Variants in FGFRL1 observed in about 807,000 individuals in gnomAD.
The protein encoded by FGFRL1 is fibroblast growth factor receptor-like 1.
A neutral mutation model predicts 36.8 loss-of-function variants in FGFRL1; 24 were observed. The ratio of observed to expected loss-of-function variants is 0.65; its 90% confidence interval spans 0.47 to 0.92. The LOEUF is 0.92. FGFRL1 is among the 40% of genes least tolerant of loss of function. FGFRL1 has a pLI of 0.00. For missense variants in FGFRL1, 785 were observed against 753.4 expected, an observed-to-expected ratio of 1.04 and a Z score of -0.49; for synonymous variants, 422 against 344.1, an observed-to-expected ratio of 1.23 and a Z score of -2.50.
intron 2 of FGFRL1, among the ~76,000 whole-genome samples, chr4:1,019,044 C>G (rs1280069220): frequency 1.3e-5 from 2 of 152,246 alleles, no homozygotes; most frequent in African/African-American, 4.8e-5. Flanking sequence ...TCATTTGTCT[C>G]TGCCCCCTTT....
At chr4:1,019,952 C>G (rs1716084832) in intron 2 of FGFRL1, among the ~76,000 whole-genome samples, 1 of 152,232 alleles carries the variant, frequency 6.6e-6, no homozygotes, top group South Asian at 2.1e-4. Flanking sequence ...GTCTCCACTC[C>G]CAGCCCCAGC....
At chr4:1,024,744 G>C in intron 6 of FGFRL1, 80 bp downstream of exon 6, 1 of 1,469,708 alleles carries the variant, frequency 6.8e-7, no homozygotes, top group Admixed American at 2.1e-5. Flanking sequence ...CCACCGGGTG[G>C]GGCCCCACCC....
At chr4:1,015,816 G>T (rs543184592) in intron 2 of FGFRL1, among the ~76,000 whole-genome samples, 1 of 152,200 alleles carries the variant, frequency 6.6e-6, no homozygotes, top group African/African-American at 2.4e-5. Flanking sequence ...GAGAGCTTGG[G>T]TTCCTTGTCC....
intron 2 of FGFRL1, among the ~76,000 whole-genome samples, chr4:1,019,253 G>T (rs1443708641): frequency 2.0e-5 from 3 of 152,248 alleles, no homozygotes; most frequent in Non-Finnish European, 4.4e-5. Context: ...GATGTGGGGG[G>T]CTGGGTCAGT....
intron 5 of FGFRL1, 30 bp downstream of exon 5, chr4:1,024,131 G>A (rs1174930459): frequency 6.3e-6 from 9 of 1,431,090 alleles, no homozygotes; most frequent in Non-Finnish European, 7.3e-6. Flanking sequence ...CTGGCGGGCG[G>A]GGGGTGCTGG....
intron 2 of FGFRL1, among the ~76,000 whole-genome samples, chr4:1,015,097 G>A (rs920776299): frequency 7.2e-5 from 11 of 152,316 alleles, no homozygotes; most frequent in African/African-American, 2.2e-4. Flanking sequence ...CAGGAACTGC[G>A]GCCGTGCTGG....
In FGFRL1 at chr4:1,025,793, A is replaced by G. The variant is rs772556487; in HGVS notation, c.*446A>G. 24 of 224,782 alleles carry G rather than the reference A, an allele frequency of 1.1e-4. No individual in the cohort carries two copies. Among genetic ancestry groups the G allele is most frequent in the Non-Finnish European group, 1.8e-4 (20 of 113,130 alleles). 13.9% of individuals were successfully genotyped at this position (224,782 alleles called of 1,614,324 possible). ...ACGTGCAGATATGGTATCCGGACAC[A>G]CACGTGCACAGATATGCTGCCTGGA... On this transcript the variant is annotated 3_prime_UTR_variant, in exon 7 of 7. Coordinates refer to ENST00000510644, the MANE Select transcript of FGFRL1 (RefSeq NM_001004356.3).
Position 1,012,502 on chromosome 4 carries a change from T to G in FGFRL1, c.17T>G (p.Leu6Arg). MTPSP[L>R]LLLLLPPLLL... ...CAGGCCGAGATGACGCCGAGCCCCC[T>G]GTTGCTGCTCCTGCTGCCGCCGCTG... The change falls in exon 2 of 7, where the codon CTG becomes CGG. Residue 6 changes from leucine to arginine, a missense_variant. Physicochemically the swap from Leu to Arg is moderately radical, Grantham distance 102. Transcript: ENST00000510644. The G allele has an allele frequency of 4.5e-6, 7 of 1,569,506 alleles. No homozygotes were observed. Among genetic ancestry groups the G allele is most frequent in the Non-Finnish European group, 6.0e-6 (7 of 1,163,172 alleles).
At position 1,012,557 on chromosome 4, in the gene FGFRL1, C is replaced by T; in HGVS notation, c.72C>T (p.Ala24=). The T allele has an allele frequency of 1.4e-6, 2 of 1,444,122 alleles. No homozygotes were observed. Among genetic ancestry groups the T allele is most frequent in the South Asian group, 1.3e-5 (1 of 79,008 alleles). The allele number at this position is 1,444,122 out of a possible 1,614,324, so 89.5% of individuals were successfully genotyped here. A position where few individuals can be genotyped will look rare whatever the true frequency, so the allele number is the denominator to read the frequency against. Residue 24 remains alanine (A), a synonymous_variant, in exon 2 of 7, where the codon GCC becomes GCT. Coordinates refer to ENST00000510644, the MANE Select transcript of FGFRL1 (RefSeq NM_001004356.3). The part of the protein sequence containing the change: ...LLLGAFPPAA[A]ARGPPKMADK... ...TGGGGGCCTTCCCGCCGGCCGCCGC[C>T]GCCCGAGGTGAGTTCTGGCGCCCAG...
At position 1,026,392 on chromosome 4, in the gene FGFRL1, TC is replaced by T. The variant is rs1716536005; in HGVS notation, c.*1048del. 1 of 155,724 alleles carries T rather than the reference TC, an allele frequency of 6.4e-6. No individual in the cohort carries two copies. Among genetic ancestry groups the T allele is most frequent in the East Asian group, 1.9e-4 (1 of 5,164 alleles). 9.6% of individuals were successfully genotyped at this position (155,724 alleles called of 1,614,324 possible). On this transcript the variant is annotated 3_prime_UTR_variant, in exon 7 of 7. Coordinates refer to ENST00000510644, the MANE Select transcript of FGFRL1 (RefSeq NM_001004356.3). ...GAGGCTCATAGTTGATGAGGGACTT[TC>T]CCTGCTCCACCGTCACTCCCCCAAC...
rs973627696 is a variant in FGFRL1 at position 1,022,368 on chromosome 4, A to G, written c.245A>G (p.Gln82Arg). 2.5e-6 allele frequency: 4 copies of G among 1,610,052 alleles called. No individual in the cohort carries two copies. The highest frequency in any genetic ancestry group is 1.7e-4 in the Middle Eastern group (1 of 6,052). ...TGGAGCCGCTTCCGCGTGCTGCCGC[A>G]GGGGCTGAAGGTGAAGCAGGTGGAG... is the stretch of plus-strand genomic sequence containing the variant. ...SGWSRFRVLP[Q>R]GLKVKQVERE... The change falls in exon 3 of 7, where the codon CAG (glutamine) becomes CGG (arginine). Residue 82 changes from glutamine (Q) to arginine (R), a missense_variant. Gln to Arg is a conservative substitution (Grantham distance 43). Coordinates refer to ENST00000510644, the MANE Select transcript of FGFRL1 (RefSeq NM_001004356.3).
rs996889413 is a variant in FGFRL1, at chr4:1,026,130, TCACA to T, written c.*787_*790del. ...CACACAGATAATGCTGCCTCAACAC[TCACA>T]CACGTGCAGATATTGCCTGGACACA... On this transcript the variant is annotated 3_prime_UTR_variant, in exon 7 of 7. Coordinates refer to ENST00000510644, the MANE Select transcript of FGFRL1 (RefSeq NM_001004356.3). The T allele has an allele frequency of 8.9e-5, 13 of 146,736 alleles. No homozygotes were observed. Among genetic ancestry groups the T allele is most frequent in the South Asian group, 4.0e-4 (2 of 4,996 alleles). 9.1% of individuals were successfully genotyped at this position (146,736 alleles called of 1,614,324 possible). A position where few individuals can be genotyped will look rare whatever the true frequency, so the allele number is the denominator to read the frequency against.
intron 2 of FGFRL1, among the ~76,000 whole-genome samples, chr4:1,021,531 G>A (rs1182857024): frequency 6.6e-6 from 1 of 152,134 alleles, no homozygotes; most frequent in Non-Finnish European, 1.5e-5. Context: ...ACAGACCTGG[G>A]CATCTGTGGT....
Position 1,012,664 on chromosome 4 carries a change from C to T in FGFRL1, c.79+100C>T, listed in dbSNP as rs565003595. The T allele has an allele frequency of 1.9e-5, 9 of 479,840 alleles. 1 individual carries two copies. The Admixed American group carries it at 4.0e-4, about 22-fold the overall frequency. 29.7% of individuals were successfully genotyped at this position (479,840 alleles called of 1,614,324 possible). On this transcript the variant is annotated intron_variant, in intron 2 of 6. Transcript: ENST00000510644. ...GCCACAGTGCCCGCCTGGCACGCGC[C>T]ATGCCCCGCCCCTGCCGCCCCGCTC...
Position 1,023,629 on chromosome 4 carries a change from G to A in FGFRL1, c.353-12G>A, listed in dbSNP as rs367793461. 9.0e-5 allele frequency: 143 copies of A among 1,594,276 alleles called. 1 individual carries two copies. The highest frequency in any genetic ancestry group is 5.0e-4 in the South Asian group (44 of 87,694). ...TCACCTGCCCTCCCTGTGCACCTCC[G>A]TCTCTCTGCAGATGACATTAGCCCA... On this transcript the variant is annotated splice_polypyrimidine_tract_variant and intron_variant, in intron 3 of 6. Coordinates refer to ENST00000510644, the MANE Select transcript of FGFRL1 (RefSeq NM_001004356.3). This position sits in a 1 kb window ranked among gnomAD's most constrained non-coding sequence, Gnocchi z 6.0.
At chr4:1,020,011 C>T (rs1716087940) in intron 2 of FGFRL1, among the ~76,000 whole-genome samples, 1 of 152,232 alleles carries the variant, frequency 6.6e-6, no homozygotes, top group Non-Finnish European at 1.5e-5. Flanking sequence ...GGGCAACGCC[C>T]CCTGTGCTAT....
At chr4:1,014,189 G>A (rs908493864) in intron 2 of FGFRL1, among the ~76,000 whole-genome samples, 9 of 152,142 alleles carry the variant, frequency 5.9e-5, no homozygotes, top group African/African-American at 2.2e-4. Context: ...TTCTGGAATC[G>A]GCACATCGCT....
rs1270463937 is a variant in FGFRL1, at chr4:1,026,896, C to G, written c.*1549C>G. On this transcript the variant is annotated 3_prime_UTR_variant, in exon 7 of 7. Transcript: ENST00000510644. The stretch of plus-strand genomic sequence containing the variant: ...AAACATGAAAGTGCATCCTTTCCCT[C>G]CAGGCTGGTGTTTCTGCCCATGTCT... The G allele has an allele frequency of 1.3e-5, 6 of 447,378 alleles. No homozygotes were observed. Among genetic ancestry groups the G allele is most frequent in the Non-Finnish European group, 2.2e-5 (5 of 223,102 alleles). 27.7% of individuals were successfully genotyped at this position (447,378 alleles called of 1,614,324 possible).
chr4:1,012,535 G>C lies in FGFRL1; in HGVS notation c.50G>C (p.Gly17Ala). The change falls in exon 2 of 7, where the codon GGG (glycine) becomes GCG (alanine). Residue 17 changes from glycine (G) to alanine (A), a missense_variant. By Grantham distance (60) the Gly-to-Ala change is moderately conservative. Transcript: ENST00000510644. ...LLLLLPPLLL[G>A]AFPPAAAARG... ...CTCCTGCTGCCGCCGCTGCTGCTGGGGGCCTTCCCGCCGGCCGCCGCCGCC... is the reference window on the plus strand; with the variant it reads ...CTCCTGCTGCCGCCGCTGCTGCTGGCGGCCTTCCCGCCGGCCGCCGCCGCC... 1 of 1,521,136 alleles carries C rather than the reference G, an allele frequency of 6.6e-7. No individual in the cohort carries two copies. The highest frequency in any genetic ancestry group is 1.2e-5 in the South Asian group (1 of 82,882). The allele number at this position is 1,521,136 out of a possible 1,614,324, so 94.2% of individuals were successfully genotyped here.
Sources: gnomAD v4.1 joint callset for allele counts (sites outside exome capture counted in the v4.1 genomes callset) on GRCh38, gnomAD v4.1.1 for gene constraint, Gnocchi (gnomAD v3.1) non-coding constraint, MANE v1.5 for transcripts, NCBI Gene and HGNC (gene_info 2026-07-23, HGNC 2026-07-21) for gene names.